Variants in CACNG2 observed in about 807,000 individuals in gnomAD.
CACNG2 encodes voltage-dependent calcium channel gamma-2 subunit.
A neutral mutation model predicts 25.9 loss-of-function variants in CACNG2; 3 were observed. The ratio of observed to expected loss-of-function variants is 0.12; its 90% confidence interval spans 0.05 to 0.30. The LOEUF is 0.30. CACNG2 is among the 10% of genes least tolerant of loss of function. The pLI, the probability that CACNG2 is intolerant of heterozygous loss-of-function variation, is 1.00. For missense variants in CACNG2, 341 were observed against 432.5 expected, an observed-to-expected ratio of 0.79 and a Z score of 1.88; for synonymous variants, 167 against 173.3, an observed-to-expected ratio of 0.96 and a Z score of 0.29.
chr22:36,641,139 GTC>G (rs748542566), intron 1 of CACNG2, among the ~76,000 whole-genome samples: 58 of 152,204 alleles, frequency 3.8e-4, no homozygotes, highest in Middle Eastern at 3.4e-3. Flanking sequence ...ATCCCTTTCT[GTC>G]ACTCTCTGTC....
chr22:36,583,771 C>T (rs1935458466), intron 2 of CACNG2, among the ~76,000 whole-genome samples: 1 of 152,150 alleles, frequency 6.6e-6, no homozygotes, highest in Non-Finnish European at 1.5e-5. Context: ...ACCGTCACTA[C>T]CACAGCAGCC....
rs1327361961 is a variant in CACNG2, at chr22:36,563,449, G to A, written c.*902C>T. On this transcript the variant is annotated 3_prime_UTR_variant, in exon 4 of 4. Coordinates refer to ENST00000300105, the MANE Select transcript of CACNG2 (RefSeq NM_006078.5). The stretch of plus-strand genomic sequence containing the variant: ...AGAGGCTCACCCTGAGGATTCCGGG[G>A]TTTCCGGCATCTTGGTAAGCCACCG... Among the ~76,000 whole-genome samples, 2 of 152,100 alleles carry A rather than the reference G, an allele frequency of 1.3e-5. No individual in the cohort carries two copies. The highest frequency in any genetic ancestry group is 1.3e-4 in the Admixed American group (2 of 15,278).
rs553524184 is a variant in CACNG2 at position 36,624,271 on chromosome 22, C to T, written c.212-36723G>A. Among the ~76,000 whole-genome samples the T allele has an allele frequency of 1.1e-3, 173 of 152,352 alleles. 2 individuals are homozygous for T. Among genetic ancestry groups the T allele is most frequent in the Non-Finnish European group, 4.0e-4 (27 of 68,036 alleles). ...CAGGCAGAGGCTTCTCTCACCTTCC[C>T]AGCCTGCTCCTGGTGGTGAGAGCAA... On this transcript the variant is annotated intron_variant, in intron 1 of 3. Transcript: ENST00000300105.
chr22:36,698,320 G>T (rs953767995), intron 1 of CACNG2, among the ~76,000 whole-genome samples: 1 of 152,142 alleles, frequency 6.6e-6, no homozygotes, highest in Non-Finnish European at 1.5e-5. Flanking sequence ...TGTGTGCAAA[G>T]TACCTAAAGA....
At position 36,576,277 on chromosome 22, in the gene CACNG2, T is replaced by G. The variant is rs149489916; in HGVS notation, c.296-9784A>C. On this transcript the variant is annotated intron_variant, in intron 2 of 3. Coordinates refer to ENST00000300105, the MANE Select transcript of CACNG2 (RefSeq NM_006078.5). Reference sequence around the variant, plus strand: ...TATTCTAAGTGAAGTAACTCAGGAATGGAAAACCAAACATTATATGTTCTC... The same window carrying G: ...TATTCTAAGTGAAGTAACTCAGGAAGGGAAAACCAAACATTATATGTTCTC... Among the ~76,000 whole-genome samples, 1,089 of 152,252 alleles carry G rather than the reference T, an allele frequency of 7.2e-3. 18 individuals are homozygous for G. The highest frequency in any genetic ancestry group is 0.024 in the African/African-American group (1,013 of 41,534).
At chr22:36,670,099 T>G (rs1450350334) in intron 1 of CACNG2, among the ~76,000 whole-genome samples, 4 of 152,174 alleles carry the variant, frequency 2.6e-5, no homozygotes, top group African/African-American at 9.7e-5. Flanking sequence ...ACTATAAGAT[T>G]CCCCTTACAA....
At chr22:36,663,171 C>T (rs544214978) in intron 1 of CACNG2, among the ~76,000 whole-genome samples, 32 of 152,216 alleles carry the variant, frequency 2.1e-4, no homozygotes, top group Non-Finnish European at 2.8e-4. Context: ...AGTCGGTCTA[C>T]GGGTGGGTGC....
At chr22:36,567,653 A>T (rs1935149545) in intron 2 of CACNG2, among the ~76,000 whole-genome samples, 1 of 151,754 alleles carries the variant, frequency 6.6e-6, no homozygotes, top group Admixed American at 6.6e-5. Context: ...TTGTGGGGGG[A>T]GCAGCACCTG....
chr22:36,664,436 G>A (rs560408891), intron 1 of CACNG2, among the ~76,000 whole-genome samples: 3 of 152,320 alleles, frequency 2.0e-5, no homozygotes, highest in Non-Finnish European at 2.9e-5. Context: ...CATTCCACTC[G>A]AGAGCGTCCC....
At chr22:36,573,873 T>C (rs1390063398) in intron 2 of CACNG2, among the ~76,000 whole-genome samples, 6 of 152,036 alleles carry the variant, frequency 3.9e-5, no homozygotes, top group Non-Finnish European at 4.4e-5. Context: ...CTCTGGCGAA[T>C]AAGGAGCAGC....
rs74427400 is a variant in CACNG2 at position 36,698,548 on chromosome 22, T to G, written c.211+3818A>C. Among the ~76,000 whole-genome samples the G allele has an allele frequency of 1.3e-3, 193 of 152,100 alleles. 1 individual carries two copies. The highest frequency in any genetic ancestry group is 1.3e-3 in the Admixed American group (20 of 15,290). ...CACTGTATCACCTCGCAGGCCATCA[T>G]GACTTGGAAAAGATTTGGGACCATT... On this transcript the variant is annotated intron_variant, in intron 1 of 3. Coordinates refer to ENST00000300105, the MANE Select transcript of CACNG2 (RefSeq NM_006078.5).
chr22:36,687,313 T>A (rs1013789872), intron 1 of CACNG2, among the ~76,000 whole-genome samples: 5 of 152,254 alleles, frequency 3.3e-5, no homozygotes, highest in African/African-American at 1.2e-4. Flanking sequence ...GCTCATTTAA[T>A]TTTTCTGTTA....
chr22:36,587,669 T>C (rs749329536), intron 1 of CACNG2, 121 bp from the exon 2 acceptor site: 1 of 778,488 alleles, frequency 1.3e-6, no homozygotes, highest in South Asian at 1.4e-5. Flanking sequence ...CCCTCACCCC[T>C]GAAGGAAGGT....
chr22:36,683,945 G>A lies in CACNG2; in HGVS notation c.211+18421C>T, dbSNP rs139443112. Among the ~76,000 whole-genome samples, 11 of 152,272 alleles carry A rather than the reference G, an allele frequency of 7.2e-5. 1 individual carries two copies. The highest frequency in any genetic ancestry group is 3.9e-4 in the East Asian group (2 of 5,180). ...TAACTAAGAACCGAGTGCTCCCGAC[G>A]CCTCAGAAAGGCCCTTACAGTCCAG... is the stretch of plus-strand genomic sequence containing the variant. On this transcript the variant is annotated intron_variant, in intron 1 of 3. Coordinates refer to ENST00000300105, the MANE Select transcript of CACNG2 (RefSeq NM_006078.5).
At chr22:36,659,213 C>T (rs553402062) in intron 1 of CACNG2, among the ~76,000 whole-genome samples, 49 of 152,164 alleles carry the variant, frequency 3.2e-4, no homozygotes, top group Admixed American at 1.4e-3. Context: ...GGGCTCTGTC[C>T]TCTTGTGGGT....
At chr22:36,586,542 G>A (rs1372064581) in intron 2 of CACNG2, among the ~76,000 whole-genome samples, 1 of 152,224 alleles carries the variant, frequency 6.6e-6, no homozygotes, top group African/African-American at 2.4e-5. Context: ...CTTGATGTGA[G>A]AAGTAATTAT....
At chr22:36,687,629 G>A (rs779533931) in intron 1 of CACNG2, among the ~76,000 whole-genome samples, 6 of 152,188 alleles carry the variant, frequency 3.9e-5, no homozygotes, top group Admixed American at 2.0e-4. Flanking sequence ...CCGTGAGTGC[G>A]CCACATTGCA....
intron 1 of CACNG2, among the ~76,000 whole-genome samples, chr22:36,657,385 T>C (rs1403486423): frequency 6.6e-6 from 1 of 152,096 alleles, no homozygotes; most frequent in Non-Finnish European, 1.5e-5. Context: ...GAATCCGGCC[T>C]CAAAGGAAAA....
At chr22:36,622,531 C>T (rs1440085471) in intron 1 of CACNG2, among the ~76,000 whole-genome samples, 1 of 152,186 alleles carries the variant, frequency 6.6e-6, no homozygotes, top group Non-Finnish European at 1.5e-5. Context: ...TAACACAAGC[C>T]ATCTTGTGGG....
Sources: gnomAD v4.1 joint callset for allele counts (sites outside exome capture counted in the v4.1 genomes callset) on GRCh38, gnomAD v4.1.1 for gene constraint, MANE v1.5 for transcripts, NCBI Gene and HGNC (gene_info 2026-07-23, HGNC 2026-07-21) for gene names.